Variants in TRIB2 observed in about 807,000 individuals in gnomAD.
The protein encoded by TRIB2 is tribbles pseudokinase 2.
A neutral mutation model predicts 26.8 loss-of-function variants in TRIB2; 2 were observed. That is an observed-to-expected ratio of 0.07 (90% confidence interval 0.03 to 0.24). The LOEUF is 0.24. Among genes scored for constraint, TRIB2 ranks in the 10% least tolerant of loss-of-function variants. TRIB2 has a pLI of 1.00. For missense variants in TRIB2, 306 were observed against 449.0 expected (o/e 0.68, Z 2.88); for synonymous variants, 189 against 187.3 (o/e 1.01, Z -0.08).
chr2:12,724,690 A>G (rs1661298508), intron 2 of TRIB2: 2 of 1,612,432 alleles, frequency 1.2e-6, no homozygotes, highest in East Asian at 2.2e-5. Flanking sequence ...ACCCTCTGTG[A>G]TCTTGGATTG....
rs764029213 is a variant in TRIB2, at chr2:12,740,630, C to T, written c.868C>T (p.Arg290Cys). ...CAAGTGCCTCATCCGAAGCATTCTG[C>T]GTCGGGAGCCCTCAGAGCGGCTGAC... is the stretch of plus-strand genomic sequence containing the variant. Reference protein sequence around the residue: ...KAKCLIRSILRREPSERLTSQ... With the variant: ...KAKCLIRSILCREPSERLTSQ... Residue 290 changes from arginine (R) to cysteine (C), a missense_variant, in exon 3 of 3, where the codon CGT becomes TGT. Physicochemically the swap from Arg to Cys is radical, Grantham distance 180. Around this residue, in one of 4 missense-constraint regions of TRIB2, gnomAD observed 78 missense variants for 104.9 expected, o/e 0.74. Coordinates refer to ENST00000155926, the MANE Select transcript of TRIB2 (RefSeq NM_021643.4). This position sits in a 1 kb window ranked among gnomAD's most constrained non-coding sequence, Gnocchi z 5.8. 6 of 1,614,086 alleles carry T rather than the reference C, an allele frequency of 3.7e-6. No individual in the cohort carries two copies. Among genetic ancestry groups the T allele is most frequent in the Non-Finnish European group, 3.4e-6 (4 of 1,180,042 alleles).
intron 2 of TRIB2, among the ~76,000 whole-genome samples, chr2:12,731,228 G>A (rs997471758): frequency 5.3e-5 from 8 of 152,146 alleles, no homozygotes; most frequent in African/African-American, 1.9e-4. Flanking sequence ...TGCTGTAGTA[G>A]GGATGGGGAG....
rs1558321177 is a variant in TRIB2 at position 12,740,104 on chromosome 2, C to G, written c.564-222C>G. Among the ~76,000 whole-genome samples the G allele has an allele frequency of 6.6e-6, 1 of 152,138 alleles. No homozygotes were observed. On this transcript the variant is annotated intron_variant, in intron 2 of 2. Coordinates refer to ENST00000155926, the MANE Select transcript of TRIB2 (RefSeq NM_021643.4). The surrounding 1 kb of genome is among the most constrained non-coding windows in gnomAD (Gnocchi z 5.8). ...TGGATTATCAGCTGCATGAAAAGAC[C>G]TTGTCAGTCTTGTTCACCCATGTGG...
intron 1 of TRIB2, among the ~76,000 whole-genome samples, chr2:12,719,313 C>G (rs746302191): frequency 6.6e-6 from 1 of 152,024 alleles, no homozygotes; most frequent in Non-Finnish European, 1.5e-5. Context: ...TTAAGAGGCT[C>G]CCGTTTGGAG....
chr2:12,730,444 C>T (rs898553624), intron 2 of TRIB2, among the ~76,000 whole-genome samples: 1 of 152,170 alleles, frequency 6.6e-6, no homozygotes, highest in Non-Finnish European at 1.5e-5. Context: ...AGAATTTTCT[C>T]ACGCAGTTAG....
chr2:12,724,637 G>GC, intron 2 of TRIB2: 1 of 1,612,562 alleles, frequency 6.2e-7, no homozygotes, highest in Non-Finnish European at 8.5e-7. Context: ...AGATGCCTCT[G>GC]CCCCTGGAGC....
intron 2 of TRIB2, among the ~76,000 whole-genome samples, chr2:12,724,105 G>A (rs919851784): frequency 6.6e-6 from 1 of 152,204 alleles, no homozygotes; most frequent in African/African-American, 2.4e-5. Context: ...GGGTGGTGGG[G>A]ACATGTCAGT....
rs187031687 is a variant in TRIB2 at position 12,729,368 on chromosome 2, A to G, written c.563+5816A>G. Among the ~76,000 whole-genome samples the G allele has an allele frequency of 2.0e-5, 3 of 152,276 alleles. No individual in the cohort carries two copies. The East Asian group carries it at 5.8e-4, about 29-fold the overall frequency. ...AATGTCTCCTTTTTTGAGTGGGAGC[A>G]GCTCAGATTGGATTCTAATGACAGA... On this transcript the variant is annotated intron_variant, in intron 2 of 2. Transcript: ENST00000155926.
intron 2 of TRIB2, among the ~76,000 whole-genome samples, chr2:12,730,797 G>A (rs1000615358): frequency 2.0e-5 from 3 of 152,184 alleles, no homozygotes; most frequent in Admixed American, 2.0e-4. Context: ...TATTGACAGT[G>A]GAATGCAGTG....
intron 2 of TRIB2, among the ~76,000 whole-genome samples, chr2:12,733,677 T>C (rs996804419): frequency 1.3e-5 from 2 of 152,232 alleles, no homozygotes; most frequent in Admixed American, 1.3e-4. Flanking sequence ...GGATATCATA[T>C]GGTGTGTTGT....
intron 2 of TRIB2, among the ~76,000 whole-genome samples, chr2:12,728,309 T>TAGCACACAGTCAGCCATCA (rs11269382): frequency 6.6e-6 from 1 of 152,100 alleles, no homozygotes; most frequent in African/African-American, 2.4e-5. Flanking sequence ...CGGGAGCTCC[T>TAGCACACAGTCAGCCATCA]GCTGATGGAA....
At position 12,732,162 on chromosome 2, in the gene TRIB2, C is replaced by G. The variant is rs907856094; in HGVS notation, c.564-8164C>G. Among the ~76,000 whole-genome samples the G allele has an allele frequency of 1.3e-5, 2 of 152,036 alleles. No individual in the cohort carries two copies. The highest frequency in any genetic ancestry group is 1.3e-4 in the Admixed American group (2 of 15,272). On this transcript the variant is annotated intron_variant, in intron 2 of 2. Coordinates refer to ENST00000155926, the MANE Select transcript of TRIB2 (RefSeq NM_021643.4). The surrounding 1 kb of genome is among the most constrained non-coding windows in gnomAD (Gnocchi z 4.2). ...CTGCATGGGGGCGTGGGAAGGTGTT[C>G]GGGTACAATGAGACTCCCCTGTTCA...
intron 2 of TRIB2, among the ~76,000 whole-genome samples, chr2:12,726,248 AT>A (rs1428976353): frequency 6.6e-6 from 1 of 152,244 alleles, no homozygotes; most frequent in Non-Finnish European, 1.5e-5. Flanking sequence ...AAGGGGAATC[AT>A]GCCTAGTCAC....
At chr2:12,726,801 A>G (rs1661348282) in intron 2 of TRIB2, among the ~76,000 whole-genome samples, 1 of 152,218 alleles carries the variant, frequency 6.6e-6, no homozygotes, top group Non-Finnish European at 1.5e-5. Context: ...CTGGAAAGCA[A>G]TCGAAAGTGC....
Position 12,718,734 on chromosome 2 carries a change from C to T in TRIB2, c.270+157C>T, listed in dbSNP as rs1368395272. On this transcript the variant is annotated intron_variant, in intron 1 of 2. Coordinates refer to ENST00000155926, the MANE Select transcript of TRIB2 (RefSeq NM_021643.4). This position sits in a 1 kb window ranked among gnomAD's most constrained non-coding sequence, Gnocchi z 4.0. ...TTATTTGCTCAGGTTCGGTAAGTTG[C>T]GAAGTTTTTAGACCGTTTCAGACAA... Among the ~76,000 whole-genome samples the T allele has an allele frequency of 6.6e-6, 1 of 152,000 alleles. No individual in the cohort carries two copies. Among genetic ancestry groups the T allele is most frequent in the Non-Finnish European group, 1.5e-5 (1 of 67,990 alleles).
In TRIB2 at chr2:12,718,177, C is replaced by T. The variant is rs1666642017; in HGVS notation, c.-131C>T. The T allele has an allele frequency of 2.4e-6, 3 of 1,236,096 alleles. No individual in the cohort carries two copies. Among genetic ancestry groups the T allele is most frequent in the South Asian group, 3.2e-5 (2 of 62,180 alleles). 76.6% of individuals were successfully genotyped at this position (1,236,096 alleles called of 1,614,324 possible). A position where few individuals can be genotyped will look rare whatever the true frequency, so the allele number is the denominator to read the frequency against. Reference sequence around the variant, plus strand: ...GGCTTCTAACTCTTTCTCCACGCAGCCCCTCTTCTGTCCCCTCCCCTCTCG... The same window carrying T: ...GGCTTCTAACTCTTTCTCCACGCAGTCCCTCTTCTGTCCCCTCCCCTCTCG... On this transcript the variant is annotated 5_prime_UTR_variant, in exon 1 of 3. Coordinates refer to ENST00000155926, the MANE Select transcript of TRIB2 (RefSeq NM_021643.4). The surrounding 1 kb of genome is among the most constrained non-coding windows in gnomAD (Gnocchi z 4.0).
Position 12,717,845 on chromosome 2 carries a change from C to A in TRIB2, c.-463C>A. ...TTGTTTGGCTTCTAACGCGTTGGGA[C>A]TGAGTCGCCGCCGTGAGCTCCCCGA... On this transcript the variant is annotated 5_prime_UTR_variant, in exon 1 of 3. The change creates a new upstream start codon in the 5' untranslated region. Transcript: ENST00000155926. The surrounding 1 kb of genome is among the most constrained non-coding windows in gnomAD (Gnocchi z 4.8). 1 of 232,556 alleles carries A rather than the reference C, an allele frequency of 4.3e-6. No homozygotes were observed. The highest frequency in any genetic ancestry group is 5.4e-5 in the Admixed American group (1 of 18,440). The allele number at this position is 232,556 out of a possible 1,614,324, so 14.4% of individuals were successfully genotyped here.
intron 2 of TRIB2, among the ~76,000 whole-genome samples, chr2:12,723,832 G>T (rs1348758806): frequency 6.6e-6 from 1 of 152,228 alleles, no homozygotes; most frequent in African/African-American, 2.4e-5. Context: ...TCCGAAGGTG[G>T]CTGCAAACCT....
At position 12,740,306 on chromosome 2, in the gene TRIB2, G is replaced by T. The variant is rs764612344; in HGVS notation, c.564-20G>T. ...TCTCTGAGCACCCTCAGGAGCTTAT[G>T]TTTTCCTCCTTTCTTGCAGGACTCG... On this transcript the variant is annotated intron_variant, in intron 2 of 2. Transcript: ENST00000155926. This position sits in a 1 kb window ranked among gnomAD's most constrained non-coding sequence, Gnocchi z 5.8. 1 of 1,608,936 alleles carries T rather than the reference G, an allele frequency of 6.2e-7. No individual in the cohort carries two copies. The highest frequency in any genetic ancestry group is 1.1e-5 in the South Asian group (1 of 90,738).
Sources: gnomAD v4.1 joint callset for allele counts (sites outside exome capture counted in the v4.1 genomes callset) on GRCh38, gnomAD v4.1.1 for gene constraint, gnomAD v4.1.1 regional missense constraint, Gnocchi (gnomAD v3.1) non-coding constraint, MANE v1.5 for transcripts, NCBI Gene and HGNC (gene_info 2026-07-23, HGNC 2026-07-21) for gene names.